Variants in MS4A4E observed in about 807,000 individuals in gnomAD.
MS4A4E encodes the protein membrane spanning 4-domains A4E.
In MS4A4E, 23 loss-of-function variants were observed where a neutral mutation model predicts 13.3. That is an observed-to-expected ratio of 1.73 (90% CI 1.25 to 2.45). The LOEUF is 2.45. MS4A4E is among the 30% of genes most tolerant of loss of function. The pLI, the probability that MS4A4E is intolerant of heterozygous loss-of-function variation, is 0.00. For missense variants in MS4A4E, 144 were observed against 131.2 expected, an observed-to-expected ratio of 1.10 and a Z score of -0.48; for synonymous variants, 36 against 45.6, an observed-to-expected ratio of 0.79 and a Z score of 0.85.
At chr11:60,228,675 G>A in intron 2 of MS4A4E, 48 bp from the exon 3 acceptor site, 1 of 690,306 alleles carries the variant, frequency 1.4e-6, no homozygotes, top group African/African-American at 1.8e-5. Flanking sequence ...GCCAAAGTTT[G>A]GAAGCCATCA....
intron 4 of MS4A4E, among the ~76,000 whole-genome samples, chr11:60,214,294 A>G (rs1190615281): frequency 6.6e-6 from 1 of 152,142 alleles, no homozygotes; most frequent in Non-Finnish European, 1.5e-5. Context: ...CAAGCTGCAG[A>G]GTTTTTTTGA....
Position 60,200,333 on chromosome 11 carries a change from C to T in MS4A4E, c.*1210G>A, listed in dbSNP as rs2083972284. On this transcript the variant is annotated 3_prime_UTR_variant, in exon 9 of 9. Transcript: ENST00000651255. Reference sequence around the variant, plus strand: ...TTATTGACCATTCTTGGGTGTTTCTCACAGAGGGGGATTTGGCAGGGTCAT... The same window carrying T: ...TTATTGACCATTCTTGGGTGTTTCTTACAGAGGGGGATTTGGCAGGGTCAT... Among the ~76,000 whole-genome samples the T allele has an allele frequency of 1.3e-5, 2 of 151,424 alleles. No individual in the cohort carries two copies. The highest frequency in any genetic ancestry group is 6.6e-5 in the Admixed American group (1 of 15,214).
intron 1 of MS4A4E, among the ~76,000 whole-genome samples, chr11:60,230,733 A>G (rs946011069): frequency 9.9e-5 from 15 of 152,238 alleles, no homozygotes; most frequent in Non-Finnish European, 1.6e-4. Flanking sequence ...GCACAAAGAT[A>G]TTACTTTTAT....
At chr11:60,213,329 ATTCCT>A in intron 4 of MS4A4E, 197 bp from the exon 5 acceptor site, 1 of 1,532,200 alleles carries the variant, frequency 6.5e-7, no homozygotes, top group Non-Finnish European at 8.7e-7. Flanking sequence ...TCTTCAGATA[ATTCCT>A]GTGAGAAGAT....
At chr11:60,239,975 T>C (rs2084528707) in intron 1 of MS4A4E, among the ~76,000 whole-genome samples, 1 of 152,262 alleles carries the variant, frequency 6.6e-6, no homozygotes, top group Admixed American at 6.5e-5. Context: ...TTTATCAAAT[T>C]GTTCCAGCAA....
rs139830037 is a variant in MS4A4E at position 60,206,694 on chromosome 11, G to A, written c.484-874C>T. 844 of 232,276 alleles carry A rather than the reference G, an allele frequency of 3.6e-3. 5 individuals carry two copies. Among genetic ancestry groups the A allele is most frequent in the African/African-American group, 0.018 (796 of 43,090 alleles). The allele number at this position is 232,276 out of a possible 1,614,324, so 14.4% of individuals were successfully genotyped here. On this transcript the variant is annotated intron_variant, in intron 6 of 8. Coordinates refer to ENST00000651255, the MANE Select transcript of MS4A4E (RefSeq NM_001393391.1). ...GTGGCATCAAACTGTCTTAAGTGGT[G>A]TGGGAGATGCTATTTCTGCCATGTG...
rs1169621061 is a variant in MS4A4E at position 60,243,072 on chromosome 11, C to G, written c.-131G>C. The G allele has an allele frequency of 3.4e-6, 3 of 886,722 alleles. No homozygotes were observed. The highest frequency in any genetic ancestry group is 5.1e-6 in the Non-Finnish European group (3 of 585,426). The allele number at this position is 886,722 out of a possible 1,614,324, so 54.9% of individuals were successfully genotyped here. A position where few individuals can be genotyped will look rare whatever the true frequency, so the allele number is the denominator to read the frequency against. ...AGCTTCCCCCACTCCACACCTCACTCAGTTTAAATCTGCACTCCTTTTCTA... is the reference window on the plus strand; with the variant it reads ...AGCTTCCCCCACTCCACACCTCACTGAGTTTAAATCTGCACTCCTTTTCTA... On this transcript the variant is annotated 5_prime_UTR_variant, in exon 1 of 9. Transcript: ENST00000651255.
intron 6 of MS4A4E, among the ~76,000 whole-genome samples, 95 bp from the exon 7 acceptor site, chr11:60,205,915 T>C (rs989392395): frequency 1.3e-5 from 2 of 152,168 alleles, no homozygotes; most frequent in African/African-American, 4.8e-5. Flanking sequence ...TTGATTAAGA[T>C]ATAATTCTGC....
intron 8 of MS4A4E, among the ~76,000 whole-genome samples, chr11:60,203,093 A>T (rs187497955): frequency 5.3e-5 from 8 of 152,226 alleles, no homozygotes; most frequent in Non-Finnish European, 7.3e-5. Flanking sequence ...AATTCTGTGG[A>T]CACACTTATC....
In MS4A4E at chr11:60,204,134, G is replaced by A. The variant is rs565295465; in HGVS notation, c.659+756C>T. Among the ~76,000 whole-genome samples, 32 of 152,144 alleles carry A rather than the reference G, an allele frequency of 2.1e-4. 1 individual carries two copies. The highest frequency in any genetic ancestry group is 4.1e-4 in the South Asian group (2 of 4,826). On this transcript the variant is annotated intron_variant, in intron 8 of 8. Transcript: ENST00000651255. ...AGGCAATATATCAGGATATAAGTTA[G>A]GATATTTTACAAAATCCAAGACAGA...
intron 4 of MS4A4E, among the ~76,000 whole-genome samples, chr11:60,214,012 C>A (rs1311249699): frequency 6.6e-6 from 1 of 152,004 alleles, no homozygotes; most frequent in Non-Finnish European, 1.5e-5. Flanking sequence ...TCAAGCAATT[C>A]TCCTGCCTCA....
At chr11:60,227,230 C>T (rs1291515072) in intron 3 of MS4A4E, among the ~76,000 whole-genome samples, 1 of 152,140 alleles carries the variant, frequency 6.6e-6, no homozygotes, top group Non-Finnish European at 1.5e-5. Context: ...CCAATTTAAT[C>T]TGTAGATTTA....
chr11:60,224,903 G>T, intron 3 of MS4A4E: 1 of 1,300,410 alleles, frequency 7.7e-7, no homozygotes, highest in Non-Finnish European at 1.0e-6. Context: ...AAATTGCAAA[G>T]ATCAGGGTAT....
intron 2 of MS4A4E, among the ~76,000 whole-genome samples, 187 bp from the exon 3 acceptor site, chr11:60,228,814 A>G (rs1030223207): frequency 2.6e-5 from 4 of 152,232 alleles, no homozygotes; most frequent in African/African-American, 4.8e-5. Flanking sequence ...AATGCATGTT[A>G]TTAGGTGAAG....
chr11:60,234,786 C>A (rs12225629), intron 1 of MS4A4E, among the ~76,000 whole-genome samples: 103 of 143,544 alleles, frequency 7.2e-4, no homozygotes, highest in East Asian at 1.9e-3. Context: ...AACCCCCCCC[C>A]CCAAAATAAC....
intron 6 of MS4A4E, among the ~76,000 whole-genome samples, 191 bp from the exon 7 acceptor site, chr11:60,206,011 T>A (rs2084035119): frequency 6.6e-6 from 1 of 152,162 alleles, no homozygotes; most frequent in Non-Finnish European, 1.5e-5. Context: ...TTTTACTCCA[T>A]GTATACCTTT....
intron 6 of MS4A4E, among the ~76,000 whole-genome samples, chr11:60,208,049 G>A (rs1433672398): frequency 6.6e-6 from 1 of 152,126 alleles, no homozygotes; most frequent in African/African-American, 2.4e-5. Context: ...GAAAGGAAGG[G>A]GAAAAAGAGC....
chr11:60,237,609 T>C (rs2134974112), intron 1 of MS4A4E, among the ~76,000 whole-genome samples: 1 of 152,320 alleles, frequency 6.6e-6, no homozygotes, highest in Admixed American at 6.5e-5. Context: ...TAGTATCTGT[T>C]ATTTTTATTT....
chr11:60,238,420 A>T (rs2084510498), intron 1 of MS4A4E, among the ~76,000 whole-genome samples: 1 of 151,946 alleles, frequency 6.6e-6, no homozygotes, highest in Non-Finnish European at 1.5e-5. Context: ...ATCTTCATAA[A>T]AATTTGACCA....
Sources: allele counts gnomAD v4.1 joint callset (sites outside exome capture counted in the v4.1 genomes callset), GRCh38; gene constraint gnomAD v4.1.1; transcripts MANE v1.5; gene names NCBI Gene and HGNC (gene_info 2026-07-23, HGNC 2026-07-21).